Variants in KCNG2 observed in about 807,000 individuals in gnomAD.
KCNG2 encodes voltage-gated potassium channel regulatory subunit KCNG2.
In KCNG2, 7 loss-of-function variants were observed where a neutral mutation model predicts 12.3. The ratio of observed to expected loss-of-function variants is 0.57; its 90% CI spans 0.32 to 1.07. KCNG2 has a LOEUF of 1.07. KCNG2 is among the 50% of genes least tolerant of loss of function. KCNG2 has a pLI of 0.04. For synonymous variants in KCNG2, 414 were observed against 351.4 expected, an observed-to-expected ratio of 1.18 and a Z score of -1.99; for missense variants, 703 against 726.0, an observed-to-expected ratio of 0.97 and a Z score of 0.36.
At chr18:79,885,874 G>C (rs1473074030) in intron 3 of KCNG2, among the ~76,000 whole-genome samples, 1 of 47,848 alleles carries the variant, frequency 2.1e-5, no homozygotes, top group Non-Finnish European at 5.1e-5. Context: ...ACATAGGGAC[G>C]TGGGGACGGG....
Position 79,899,305 on chromosome 18 carries a change from A to C in KCNG2, c.890A>C (p.Tyr297Ser), listed in dbSNP as rs1208163267. 6.4e-7 allele frequency: 1 copy of C among 1,561,092 alleles called. No homozygotes were observed. Among genetic ancestry groups the C allele is most frequent in the Non-Finnish European group, 8.6e-7 (1 of 1,163,412 alleles). ...CTGCTGCGTGCGCTGCGCGTGCTCT[A>C]CGTGATGCGCCTGGCGCGCCACTCG... ...LRLLRALRVL[Y>S]VMRLARHSLG... The change falls in exon 4 of 4, where the codon TAC becomes TCC. Residue 297 changes from tyrosine to serine, a missense_variant. Tyr to Ser is a moderately radical substitution (Grantham distance 144). Transcript: ENST00000316249.
chr18:79,882,973 G>A (rs1682643493), intron 3 of KCNG2, among the ~76,000 whole-genome samples: 2 of 152,276 alleles, frequency 1.3e-5, no homozygotes, highest in Non-Finnish European at 2.9e-5. Flanking sequence ...ACGTACTCGC[G>A]GGAAGGACAG....
intron 1 of KCNG2, among the ~76,000 whole-genome samples, chr18:79,847,561 G>A (rs1978667775): frequency 6.6e-6 from 1 of 152,220 alleles, no homozygotes; most frequent in Admixed American, 6.5e-5. Context: ...TAACTGCAAA[G>A]CACCCGCCCC....
intron 1 of KCNG2, among the ~76,000 whole-genome samples, chr18:79,817,471 T>C (rs2087538675): frequency 2.0e-5 from 3 of 151,888 alleles, no homozygotes; most frequent in African/African-American, 7.3e-5. Flanking sequence ...GTTACACCCA[T>C]GGTTGTCACA....
intron 1 of KCNG2, among the ~76,000 whole-genome samples, chr18:79,806,244 C>T (rs955447470): frequency 2.6e-5 from 4 of 152,046 alleles, no homozygotes; most frequent in African/African-American, 4.8e-5. Context: ...GGGGTTGGGG[C>T]GTGGGGCCAT....
At chr18:79,806,334 C>T (rs1382247395) in intron 1 of KCNG2, among the ~76,000 whole-genome samples, 1 of 151,594 alleles carries the variant, frequency 6.6e-6, no homozygotes, top group African/African-American at 2.4e-5. Context: ...CGGGAAGCCC[C>T]CTGAGCATTC....
chr18:79,890,724 T>C (rs1980716019), intron 3 of KCNG2, among the ~76,000 whole-genome samples: 1 of 152,210 alleles, frequency 6.6e-6, no homozygotes, highest in Non-Finnish European at 1.5e-5. Flanking sequence ...TGTGGGTAGT[T>C]TGAGGGTTTC....
At chr18:79,897,213 T>C (rs1981010266) in intron 3 of KCNG2, among the ~76,000 whole-genome samples, 1 of 152,188 alleles carries the variant, frequency 6.6e-6, no homozygotes. Flanking sequence ...ATGCATATAT[T>C]GGTGCATATA....
chr18:79,805,562 G>A (rs1180438293), intron 1 of KCNG2, among the ~76,000 whole-genome samples: 1 of 151,772 alleles, frequency 6.6e-6, no homozygotes, highest in East Asian at 1.9e-4. Context: ...TCTATCGTCT[G>A]TTTCTCAGTG....
chr18:79,823,438 G>A lies in KCNG2; in HGVS notation c.-115+25424G>A, dbSNP rs143089984. Among the ~76,000 whole-genome samples, 607 of 152,300 alleles carry A rather than the reference G, an allele frequency of 4.0e-3. 6 individuals are homozygous for A. Among genetic ancestry groups the A allele is most frequent in the African/African-American group, 0.014 (581 of 41,558 alleles). On this transcript the variant is annotated intron_variant, in intron 1 of 3. Transcript: ENST00000316249. ...CTGAGAGCTGTGCCCCGTGTCGAGC[G>A]CTGTTTGCTCACAGCCAGGCCAGGG...
chr18:79,859,575 A>T (rs1327281048), intron 2 of KCNG2, among the ~76,000 whole-genome samples: 1 of 152,208 alleles, frequency 6.6e-6, no homozygotes, highest in Non-Finnish European at 1.5e-5. Context: ...TGCATGAGGG[A>T]TCAGCCCCCA....
rs1213015930 is a variant in KCNG2, at chr18:79,884,623, G to A, written c.625-14417G>A. Among the ~76,000 whole-genome samples the A allele has an allele frequency of 3.3e-5, 5 of 152,190 alleles. No homozygotes were observed. Among genetic ancestry groups the A allele is most frequent in the South Asian group, 2.1e-4 (1 of 4,834 alleles). On this transcript the variant is annotated intron_variant, in intron 3 of 3. Coordinates refer to ENST00000316249, the MANE Select transcript of KCNG2 (RefSeq NM_012283.2). The surrounding 1 kb of genome is among the most constrained non-coding windows in gnomAD (Gnocchi z 5.5). The stretch of plus-strand genomic sequence containing the variant: ...TCTAGATTCTGGGATTCCTTTCATC[G>A]TTGCTTTTTGTGTTTTCTACCTAGA...
At chr18:79,815,609 CCTGCGCCCAG>C (rs1777356475) in intron 1 of KCNG2, among the ~76,000 whole-genome samples, 1 of 152,162 alleles carries the variant, frequency 6.6e-6, no homozygotes, top group Non-Finnish European at 1.5e-5. Context: ...GCTCTAGAGC[CCTGCGCCCAG>C]CTGTCCCTGC....
intron 3 of KCNG2, among the ~76,000 whole-genome samples, chr18:79,875,251 C>T (rs181514920): frequency 3.1e-4 from 47 of 152,276 alleles, no homozygotes; most frequent in Non-Finnish European, 6.2e-4. Flanking sequence ...GGGTCCTGCC[C>T]CATCATGGGA....
At position 79,894,266 on chromosome 18, in the gene KCNG2, G is replaced by A. The variant is rs114576291; in HGVS notation, c.625-4774G>A. On this transcript the variant is annotated intron_variant, in intron 3 of 3. Transcript: ENST00000316249. ...ATTGATATAGCTGGGTCTGCGTCTCGTTCGATTAGGTTGTTCACTCCATTC... is the reference window on the plus strand; with the variant it reads ...ATTGATATAGCTGGGTCTGCGTCTCATTCGATTAGGTTGTTCACTCCATTC... Among the ~76,000 whole-genome samples, 289 of 109,354 alleles carry A rather than the reference G, an allele frequency of 2.6e-3. 7 individuals are homozygous for A. Among genetic ancestry groups the A allele is most frequent in the African/African-American group, 9.3e-3 (264 of 28,342 alleles). The allele number at this position is 109,354 out of a possible 152,430, so 71.7% of individuals were successfully genotyped here.
intron 1 of KCNG2, among the ~76,000 whole-genome samples, chr18:79,851,880 G>A (rs1292216638): frequency 1.3e-5 from 2 of 152,224 alleles, no homozygotes; most frequent in Admixed American, 6.5e-5. Flanking sequence ...TTATGCACCA[G>A]GACTATTCTA....
chr18:79,865,535 TGA>T (rs1205668510), intron 3 of KCNG2, among the ~76,000 whole-genome samples: 120 of 114,534 alleles, frequency 1.0e-3, no homozygotes, highest in African/African-American at 4.4e-3. Flanking sequence ...GTCTGTGTGC[TGA>T]GAGGTCTGGG....
intron 1 of KCNG2, among the ~76,000 whole-genome samples, chr18:79,813,581 A>T (rs1239612330): frequency 6.6e-6 from 1 of 152,184 alleles, no homozygotes; most frequent in Admixed American, 6.5e-5. Flanking sequence ...CTTATCCTAA[A>T]CCTTCCACCT....
chr18:79,818,984 C>T (rs2087550616), intron 1 of KCNG2, among the ~76,000 whole-genome samples: 1 of 152,186 alleles, frequency 6.6e-6, no homozygotes, highest in African/African-American at 2.4e-5. Flanking sequence ...ACACAGTGCC[C>T]AGTTCTGCTG....
Sources: gnomAD v4.1 joint callset for allele counts (sites outside exome capture counted in the v4.1 genomes callset) on GRCh38, gnomAD v4.1.1 for gene constraint, Gnocchi (gnomAD v3.1) non-coding constraint, MANE v1.5 for transcripts, NCBI Gene and HGNC (gene_info 2026-07-23, HGNC 2026-07-21) for gene names.